MYBL1: variants seen among roughly 807,000 people sequenced by gnomAD.
MYBL1 encodes MYB proto-oncogene like 1.
In MYBL1, 17 loss-of-function variants were observed where a neutral mutation model predicts 96.3. The ratio of observed to expected loss-of-function variants is 0.18; its 90% CI spans 0.12 to 0.26. MYBL1 has a LOEUF of 0.26. Ranked by LOEUF, MYBL1 falls within the 10% of genes least tolerant of loss-of-function variation. The probability of loss-of-function intolerance (pLI) is 1.00; values close to 1 mark genes in which losing one functional copy is unlikely to be tolerated. For missense variants in MYBL1, 701 were observed against 882.9 expected (o/e 0.79, Z 2.61); for synonymous variants, 282 against 292.7 (o/e 0.96, Z 0.37).
At chr8:66,606,210 TTA>T in intron 1 of MYBL1, among the ~76,000 whole-genome samples, 1 of 152,336 alleles carries the variant, frequency 6.6e-6, no homozygotes, top group Admixed American at 6.5e-5. Context: ...TCTCAGGGGT[TTA>T]GTTTACTTGT....
intron 1 of MYBL1, among the ~76,000 whole-genome samples, chr8:66,604,436 T>C (rs1332218101): frequency 6.6e-6 from 1 of 151,392 alleles, no homozygotes; most frequent in Non-Finnish European, 1.5e-5. Flanking sequence ...AGCAGGAGAA[T>C]CGCTTGTACC....
At chr8:66,612,694 A>G in intron 1 of MYBL1, 125 bp downstream of exon 1, 1 of 1,121,416 alleles carries the variant, frequency 8.9e-7, no homozygotes, top group Non-Finnish European at 1.2e-6. Flanking sequence ...GGCCGCGGGG[A>G]CGCGGGAAGA....
At chr8:66,602,275 TCCTAA>T (rs1335014190) in intron 2 of MYBL1, 138 bp downstream of exon 2, 2 of 411,126 alleles carry the variant, frequency 4.9e-6, no homozygotes, top group Non-Finnish European at 8.7e-6. Context: ...GGTCTTGAAC[TCCTAA>T]CCTCAAGTGA....
At chr8:66,580,941 A>G (rs1809185670) in intron 8 of MYBL1, among the ~76,000 whole-genome samples, 1 of 151,174 alleles carries the variant, frequency 6.6e-6, no homozygotes, top group Non-Finnish European at 1.5e-5. Context: ...GCTCACTGCA[A>G]CTTCCACCTC....
Position 66,580,278 on chromosome 8 carries a change from C to G in MYBL1, c.956G>C (p.Ser319Thr), listed in dbSNP as rs552172466. 2 of 1,613,770 alleles carry G rather than the reference C, an allele frequency of 1.2e-6. No homozygotes were observed. Among genetic ancestry groups the G allele is most frequent in the East Asian group, 4.5e-5 (2 of 44,878 alleles). Residue 319 changes from serine to threonine, a missense_variant, in exon 9 of 16, where the codon AGT becomes ACT. Ser to Thr is a moderately conservative substitution (Grantham distance 58, BLOSUM62 1). Around this residue, in one of 5 missense-constraint regions of MYBL1, gnomAD observed 396 missense variants for 407.4 expected, o/e 0.97. Coordinates refer to ENST00000522677, the MANE Select transcript of MYBL1 (RefSeq NM_001080416.4). ...NTLNSLDEHT[S>T]EFYSMDENQP... The stretch of plus-strand genomic sequence containing the variant: ...ATTTTCATCCATACTGTAAAACTCA[C>G]TAGTGTGCTCGTCAAGGCTATTTAG...
chr8:66,610,802 T>G (rs1810498937), intron 1 of MYBL1, among the ~76,000 whole-genome samples: 1 of 152,128 alleles, frequency 6.6e-6, no homozygotes, highest in Non-Finnish European at 1.5e-5. Flanking sequence ...GTATGAAGAC[T>G]TAAGAGATAC....
intron 14 of MYBL1, 131 bp downstream of exon 14, chr8:66,566,552 AG>A (rs1289572750): frequency 1.7e-6 from 1 of 590,180 alleles, no homozygotes. Flanking sequence ...TCTGTGAATT[AG>A]GCAAAATGAT....
chr8:66,565,824 A>G (rs899845945), intron 15 of MYBL1, among the ~76,000 whole-genome samples: 1 of 152,172 alleles, frequency 6.6e-6, no homozygotes, highest in African/African-American at 2.4e-5. Flanking sequence ...AAAAAGATAC[A>G]GTGCTTAGGA....
In MYBL1 at chr8:66,588,456, T is replaced by C. The variant is rs565747809; in HGVS notation, c.867+3984A>G. Reference sequence around the variant, plus strand: ...CATCACACCTGATTAGTTTTTGTATTTTTTGCAGAGACAGGGTTTCGCCAT... The same window carrying C: ...CATCACACCTGATTAGTTTTTGTATCTTTTGCAGAGACAGGGTTTCGCCAT... On this transcript the variant is annotated intron_variant, in intron 8 of 15. Coordinates refer to ENST00000522677, the MANE Select transcript of MYBL1 (RefSeq NM_001080416.4). Among the ~76,000 whole-genome samples the C allele has an allele frequency of 3.3e-5, 5 of 152,050 alleles. No homozygotes were observed. The South Asian group carries it at 1.0e-3, about 32-fold the overall frequency.
intron 1 of MYBL1, among the ~76,000 whole-genome samples, chr8:66,605,500 AT>A (rs1176999545): frequency 1.3e-5 from 2 of 152,228 alleles, no homozygotes; most frequent in Non-Finnish European, 2.9e-5. Flanking sequence ...ATAAAGCCCC[AT>A]AAAAAAGGGC....
chr8:66,602,488 T>C lies in MYBL1; in HGVS notation c.56A>G (p.His19Arg). 1.2e-6 allele frequency: 2 copies of C among 1,609,512 alleles called. No homozygotes were observed. Among genetic ancestry groups the C allele is most frequent in the Non-Finnish European group, 1.7e-6 (2 of 1,177,282 alleles). ...TTTTTGTTGTGGTACTTCATAATCA[T>C]GATCGGCATACTGAAGGTCATCATC... Reference protein sequence around the residue: ...DEDDDLQYADHDYEVPQQKGL... With the variant: ...DEDDDLQYADRDYEVPQQKGL... Residue 19 changes from histidine to arginine, a missense_variant, in exon 2 of 16, where the codon CAT becomes CGT. His to Arg is a conservative substitution (Grantham distance 29, BLOSUM62 0). Around this residue, in one of 5 missense-constraint regions of MYBL1, gnomAD observed 68 missense variants for 93.8 expected, o/e 0.72. Coordinates refer to ENST00000522677, the MANE Select transcript of MYBL1 (RefSeq NM_001080416.4).
chr8:66,591,340 C>G (rs555353347), intron 8 of MYBL1, among the ~76,000 whole-genome samples: 1 of 151,264 alleles, frequency 6.6e-6, no homozygotes, highest in South Asian at 2.1e-4. Flanking sequence ...GAGCAAAACT[C>G]TGTCTCAAAA....
chr8:66,593,528 C>T (rs1809734453), intron 6 of MYBL1, among the ~76,000 whole-genome samples: 1 of 152,150 alleles, frequency 6.6e-6, no homozygotes. Context: ...GTTGCTCTAT[C>T]TCCTAAAGAA....
At chr8:66,592,934 C>T (rs562417511) in intron 7 of MYBL1, among the ~76,000 whole-genome samples, 186 bp downstream of exon 7, 30 of 152,258 alleles carry the variant, frequency 2.0e-4, no homozygotes, top group African/African-American at 7.0e-4. Context: ...TCATCAATCA[C>T]ATTTGTACAG....
At chr8:66,602,639 T>G (rs1810122856) in intron 1 of MYBL1, 116 bp from the exon 2 acceptor site, 1 of 410,170 alleles carries the variant, frequency 2.4e-6, no homozygotes, top group Non-Finnish European at 4.0e-6. Flanking sequence ...CAAGTCATAT[T>G]CACAATGAAA....
rs1335314067 is a variant in MYBL1, at chr8:66,562,593, G to A, written c.*2104C>T. The A allele has an allele frequency of 1.3e-5, 2 of 152,464 alleles. No individual in the cohort carries two copies. Among genetic ancestry groups the A allele is most frequent in the Admixed American group, 6.6e-5 (1 of 15,258 alleles). 9.4% of individuals were successfully genotyped at this position (152,464 alleles called of 1,614,324 possible). A position where few individuals can be genotyped will look rare whatever the true frequency, so the allele number is the denominator to read the frequency against. Reference sequence around the variant, plus strand: ...CCATTTAGGATAATTTAATGCTCAAGAAAAAATATGCTTTAAAAAATATAG... The same window carrying A: ...CCATTTAGGATAATTTAATGCTCAAAAAAAAATATGCTTTAAAAAATATAG... On this transcript the variant is annotated 3_prime_UTR_variant, in exon 16 of 16. Transcript: ENST00000522677.
At chr8:66,572,971 T>C (rs575318994) in intron 11 of MYBL1, among the ~76,000 whole-genome samples, 3 of 152,154 alleles carry the variant, frequency 2.0e-5, no homozygotes, top group East Asian at 3.9e-4. Flanking sequence ...TCCCAGCACT[T>C]TGGGAGGCTG....
In MYBL1 at chr8:66,571,912, C is replaced by T. The variant is rs557121285; in HGVS notation, c.1728+570G>A. Among the ~76,000 whole-genome samples the T allele has an allele frequency of 4.6e-5, 7 of 151,496 alleles. No individual in the cohort carries two copies. The South Asian group carries it at 6.3e-4, about 14-fold the overall frequency. On this transcript the variant is annotated intron_variant, in intron 12 of 15. Transcript: ENST00000522677. ...AAAAGGAAAAAGGAAAAGAGTTCCA[C>T]TGACACCTGATGTTTTCTCTAGATG... is the stretch of plus-strand genomic sequence containing the variant.
At position 66,564,812 on chromosome 8, in the gene MYBL1, CAT is replaced by C; in HGVS notation, c.2142_2143del (p.Trp715GlyfsTer16). On this transcript the variant is annotated frameshift_variant, in exon 16 of 16. Coordinates refer to ENST00000522677, the MANE Select transcript of MYBL1 (RefSeq NM_001080416.4). LOFTEE classifies it high-confidence loss of function. Reference sequence around the variant, plus strand: ...TGTCTTCCCATAAACCACTGTTTCCCATTCACAATTTGACTAGAAAGGAAATA... The same window carrying C: ...TGTCTTCCCATAAACCACTGTTTCCCTCACAATTTGACTAGAAAGGAAATA... 1 of 1,564,874 alleles carries C rather than the reference CAT, an allele frequency of 6.4e-7. No individual in the cohort carries two copies. Among genetic ancestry groups the C allele is most frequent in the Non-Finnish European group, 8.7e-7 (1 of 1,150,718 alleles).
Sources: allele counts gnomAD v4.1 joint callset (sites outside exome capture counted in the v4.1 genomes callset), GRCh38; gene constraint gnomAD v4.1.1; regional missense constraint gnomAD v4.1.1; transcripts MANE v1.5; gene names NCBI Gene and HGNC (gene_info 2026-07-23, HGNC 2026-07-21).